The following CHD9NB variants were observed in gnomAD, a reference collection of about 807,000 sequenced individuals.
CHD9NB encodes CHD9 neighbor.
the CHD9NB span, among the ~76,000 whole-genome samples, chr16:53,042,447 C>T: frequency 6.7e-6 from 1 of 149,396 alleles, no homozygotes; most frequent in African/African-American, 2.5e-5. Flanking sequence ...TCTTCTTGCC[C>T]TCTCTCCTCC....
the CHD9NB span, among the ~76,000 whole-genome samples, chr16:53,047,577 T>A: frequency 6.6e-6 from 1 of 152,174 alleles, no homozygotes; most frequent in African/African-American, 2.4e-5. Context: ...CCCTTCCTCT[T>A]CTTATAAGGA....
chr16:53,043,634 G>T, the CHD9NB span: 1 of 167,856 alleles, frequency 6.0e-6, no homozygotes. Flanking sequence ...CTGACTTCAG[G>T]AAAGCCAGGC....
At chr16:53,045,423 T>C in the CHD9NB span, among the ~76,000 whole-genome samples, 1 of 152,306 alleles carries the variant, frequency 6.6e-6, no homozygotes, top group East Asian at 1.9e-4. Flanking sequence ...AATACTTCCT[T>C]AGTGAAGCCT....
chr16:53,044,296 C>T, the CHD9NB span: 1 of 396,966 alleles, frequency 2.5e-6, no homozygotes, highest in Non-Finnish European at 4.4e-6. Flanking sequence ...TTTCTATGGC[C>T]ACAAGGAGAC....
chr16:53,038,288 T>C, the CHD9NB span, among the ~76,000 whole-genome samples: 1 of 152,134 alleles, frequency 6.6e-6, no homozygotes, highest in Admixed American at 6.5e-5. Flanking sequence ...CACCCAGAAA[T>C]AATGTTTTAC....
chr16:53,042,336 A>C, the CHD9NB span, among the ~76,000 whole-genome samples: 7 of 110,626 alleles, frequency 6.3e-5, no homozygotes, highest in South Asian at 3.0e-4. Flanking sequence ...TCCCTCTCCC[A>C]TTCTGCCTCT....
the CHD9NB span, chr16:53,047,294 C>G: frequency 6.6e-6 from 1 of 152,260 alleles, no homozygotes; most frequent in East Asian, 1.9e-4. Context: ...CTAGAGAAAA[C>G]AGTTTGGCAG....
At chr16:53,044,714 C>G in the CHD9NB span, among the ~76,000 whole-genome samples, 51 of 131,148 alleles carry the variant, frequency 3.9e-4, no homozygotes, top group East Asian at 9.8e-3. Flanking sequence ...CTAATAGATG[C>G]TGGGTACTAC....
the CHD9NB span, among the ~76,000 whole-genome samples, chr16:53,039,847 C>T: frequency 2.0e-5 from 3 of 151,976 alleles, no homozygotes; most frequent in Non-Finnish European, 2.9e-5. Flanking sequence ...CTCAGGCTGA[C>T]GTTGAAGAAT....
At chr16:53,049,096 A>G in the CHD9NB span, among the ~76,000 whole-genome samples, 4 of 151,634 alleles carry the variant, frequency 2.6e-5, no homozygotes, top group South Asian at 8.4e-4. Context: ...TGGGCTCAAG[A>G]GATCTTCCTG....
At chr16:53,041,151 T>C in the CHD9NB span, among the ~76,000 whole-genome samples, 5 of 152,180 alleles carry the variant, frequency 3.3e-5, no homozygotes, top group African/African-American at 1.2e-4. Flanking sequence ...GAGGCATGGA[T>C]GGATGATGGA....
At chr16:53,052,297 C>G in the CHD9NB span, among the ~76,000 whole-genome samples, 1 of 151,814 alleles carries the variant, frequency 6.6e-6, no homozygotes, top group East Asian at 1.9e-4. Flanking sequence ...GTCCCAGCTA[C>G]TTGGGAGTCT....
At chr16:53,042,513 T>TC in the CHD9NB span, among the ~76,000 whole-genome samples, 2 of 136,356 alleles carry the variant, frequency 1.5e-5, no homozygotes, top group Admixed American at 7.6e-5. Context: ...CCCCCTCCTC[T>TC]CCCTCCTCCC....
the CHD9NB span, among the ~76,000 whole-genome samples, chr16:53,050,886 C>A: frequency 3.4e-5 from 5 of 148,090 alleles, no homozygotes; most frequent in African/African-American, 1.2e-4. Flanking sequence ...CACAGAGGAT[C>A]CTCACCCTCT....
chr16:53,045,512 C>G, the CHD9NB span, among the ~76,000 whole-genome samples: 1 of 152,184 alleles, frequency 6.6e-6, no homozygotes, highest in Admixed American at 6.5e-5. Context: ...CCTAGCATTC[C>G]TTTTCCTAAC....
the CHD9NB span, among the ~76,000 whole-genome samples, chr16:53,044,974 T>C: frequency 6.6e-6 from 1 of 152,196 alleles, no homozygotes; most frequent in Admixed American, 6.5e-5. Flanking sequence ...TCTCACTCTG[T>C]TGCCCAGGCT....
chr16:53,051,350 C>A, the CHD9NB span, among the ~76,000 whole-genome samples: 1 of 151,702 alleles, frequency 6.6e-6, no homozygotes, highest in African/African-American at 2.4e-5. Flanking sequence ...AACAAGAAAG[C>A]AAAAGGGATA....
At chr16:53,045,944 C>G in the CHD9NB span, among the ~76,000 whole-genome samples, 2 of 152,128 alleles carry the variant, frequency 1.3e-5, no homozygotes, top group African/African-American at 4.8e-5. Flanking sequence ...TGCCATTCCT[C>G]CTCCCTGGGT....
chr16:53,047,239 G>A, the CHD9NB span: 1 of 152,142 alleles, frequency 6.6e-6, no homozygotes, highest in South Asian at 2.1e-4. Context: ...GGAGCAACTG[G>A]AACTCTCATA....
Sources: allele counts gnomAD v4.1 joint callset (sites outside exome capture counted in the v4.1 genomes callset), GRCh38; gene constraint gnomAD v4.1.1; transcripts MANE v1.5; gene names NCBI Gene and HGNC (gene_info 2026-07-23, HGNC 2026-07-21).